Variants in STAG1 observed in about 807,000 individuals in gnomAD.
The protein encoded by STAG1 is STAG1 cohesin complex component.
In STAG1, 26 loss-of-function variants were observed where a neutral mutation model predicts 170.9. That is an observed-to-expected ratio of 0.15 (90% CI 0.11 to 0.21). The LOEUF is 0.21. Among genes scored for constraint, STAG1 ranks in the 10% least tolerant of loss-of-function variants. The probability of loss-of-function intolerance (pLI) is 1.00; values close to 1 mark genes in which losing one functional copy is unlikely to be tolerated. For synonymous variants in STAG1, 514 were observed against 497.7 expected, an observed-to-expected ratio of 1.03 and a Z score of -0.44; for missense variants, 964 against 1,509.5, an observed-to-expected ratio of 0.64 and a Z score of 5.99.
At chr3:136,402,753 G>A (rs1371626033) in intron 21 of STAG1, among the ~76,000 whole-genome samples, 2 of 151,716 alleles carry the variant, frequency 1.3e-5, no homozygotes, top group African/African-American at 2.4e-5. Context: ...CTTTAACCCA[G>A]GAGGAGAAGG....
At chr3:136,621,269 A>T (rs1367439048) in intron 3 of STAG1, among the ~76,000 whole-genome samples, 2 of 152,244 alleles carry the variant, frequency 1.3e-5, no homozygotes, top group Non-Finnish European at 2.9e-5. Context: ...TTCTTTAAGG[A>T]GACAGTACTT....
chr3:136,629,329 C>T (rs907830462), intron 2 of STAG1, among the ~76,000 whole-genome samples: 8 of 152,084 alleles, frequency 5.3e-5, no homozygotes, highest in Admixed American at 1.3e-4. Context: ...ACATTAAGTA[C>T]TTTTCTGGAG....
chr3:136,607,336 T>A (rs1405015950), intron 3 of STAG1, among the ~76,000 whole-genome samples: 1 of 152,224 alleles, frequency 6.6e-6, no homozygotes, highest in East Asian at 1.9e-4. Flanking sequence ...ATTTATTCAA[T>A]CATTTATATC....
chr3:136,396,453 C>G (rs9818536), intron 22 of STAG1, among the ~76,000 whole-genome samples: 3 of 144,946 alleles, frequency 2.1e-5, no homozygotes, highest in Non-Finnish European at 4.5e-5. Context: ...GATCTCCTGA[C>G]CTTGTGATCC....
chr3:136,746,654 A>T (rs1934948500), intron 1 of STAG1, among the ~76,000 whole-genome samples: 1 of 152,156 alleles, frequency 6.6e-6, no homozygotes, highest in Non-Finnish European at 1.5e-5. Context: ...ACTTGCAAAT[A>T]ACTATTCTCT....
intron 1 of STAG1, among the ~76,000 whole-genome samples, chr3:136,701,963 C>CT (rs552750389): frequency 0.086 from 12,494 of 145,248 alleles, 944 homozygotes; most frequent in African/African-American, 0.2. Context: ...TTCTTTTACT[C>CT]TTTTTTTTTT....
chr3:136,585,997 T>C (rs907925701), intron 4 of STAG1, among the ~76,000 whole-genome samples: 2 of 152,218 alleles, frequency 1.3e-5, no homozygotes, highest in Non-Finnish European at 2.9e-5. Flanking sequence ...TACCTGGATA[T>C]AGCTTTATTC....
At chr3:136,719,003 T>A (rs1320354089) in intron 1 of STAG1, among the ~76,000 whole-genome samples, 1 of 152,144 alleles carries the variant, frequency 6.6e-6, no homozygotes, top group African/African-American at 2.4e-5. Flanking sequence ...TTTCTTAAAA[T>A]ATTAAACATA....
Position 136,412,031 on chromosome 3 carries a change from C to G in STAG1, c.2196+5854G>C, listed in dbSNP as rs1042415811. 5.3e-5 allele frequency among the ~76,000 whole-genome samples: 8 copies of G among 152,040 alleles called. No homozygotes were observed. The East Asian group carries it at 1.6e-3, about 30-fold the overall frequency. On this transcript the variant is annotated intron_variant, in intron 21 of 33. Coordinates refer to ENST00000383202, the MANE Select transcript of STAG1 (RefSeq NM_005862.3). The stretch of plus-strand genomic sequence containing the variant: ...AACGAGACTTCGTCTAAAAAACAAA[C>G]AAACAAACAAACAAAATCTAACGTA...
intron 5 of STAG1, among the ~76,000 whole-genome samples, chr3:136,551,254 A>C (rs113845336): frequency 7.3e-5 from 10 of 137,726 alleles, no homozygotes; most frequent in South Asian, 4.7e-4. Flanking sequence ...AGAGAGAGAG[A>C]GAGAGAGGGA....
intron 4 of STAG1, among the ~76,000 whole-genome samples, chr3:136,573,878 G>A (rs1314608440): frequency 2.0e-5 from 3 of 152,144 alleles, no homozygotes; most frequent in Admixed American, 2.0e-4. Context: ...GGCTGAGGCA[G>A]GAGAATGGCG....
intron 13 of STAG1, among the ~76,000 whole-genome samples, chr3:136,463,733 A>ATG (rs1470936669): frequency 1.2e-4 from 5 of 42,394 alleles, no homozygotes; most frequent in Admixed American, 2.8e-4. Flanking sequence ...AAAAATGTGT[A>ATG]TATGTGTGTG....
rs996320086 is a variant in STAG1 at position 136,496,147 on chromosome 3, A to AAAAC, written c.902+4072_902+4075dup. On this transcript the variant is annotated intron_variant, in intron 9 of 33. Coordinates refer to ENST00000383202, the MANE Select transcript of STAG1 (RefSeq NM_005862.3). ...CAACAAGAGGGAGACTCCGTCTCAA[A>AAAAC]AAACAAACAAACAAACAAAAAAACC... Among the ~76,000 whole-genome samples the AAAAC allele has an allele frequency of 2.2e-4, 33 of 152,194 alleles. No individual in the cohort carries two copies. In the East Asian group the frequency reaches 5.0e-3, roughly 23 times the overall value.
chr3:136,389,814 C>A (rs1209419240), intron 22 of STAG1, among the ~76,000 whole-genome samples: 1 of 150,654 alleles, frequency 6.6e-6, no homozygotes, highest in Non-Finnish European at 1.5e-5. Context: ...GCCACCGCAC[C>A]TGGCCTTATG....
At chr3:136,527,567 C>G (rs111401103) in intron 6 of STAG1, among the ~76,000 whole-genome samples, 177 of 152,164 alleles carry the variant, frequency 1.2e-3, no homozygotes, top group African/African-American at 2.5e-3. Flanking sequence ...AAGTTTGATC[C>G]TCTGAAGCCT....
intron 4 of STAG1, among the ~76,000 whole-genome samples, chr3:136,595,719 TAA>T (rs1938395231): frequency 7.0e-6 from 1 of 143,658 alleles, no homozygotes. Flanking sequence ...AATAAATAAA[TAA>T]ATAAATAAGA....
chr3:136,373,568 C>T (rs2108301026), intron 23 of STAG1, among the ~76,000 whole-genome samples: 1 of 152,182 alleles, frequency 6.6e-6, no homozygotes, highest in Admixed American at 6.5e-5. Context: ...TCGTTGGTTT[C>T]AAAGAACATC....
intron 13 of STAG1, among the ~76,000 whole-genome samples, chr3:136,456,242 A>G (rs1044022165): frequency 6.6e-6 from 1 of 152,242 alleles, no homozygotes; most frequent in Non-Finnish European, 1.5e-5. Context: ...TTAAGGAATT[A>G]CATACACACA....
chr3:136,484,300 A>T (rs963663574), intron 9 of STAG1, among the ~76,000 whole-genome samples: 5 of 151,376 alleles, frequency 3.3e-5, no homozygotes, highest in Non-Finnish European at 7.4e-5. Context: ...TCTAACAGAC[A>T]GGACCCTCAG....
Sources: gnomAD v4.1 joint callset for allele counts (sites outside exome capture counted in the v4.1 genomes callset) on GRCh38, gnomAD v4.1.1 for gene constraint, MANE v1.5 for transcripts, NCBI Gene and HGNC (gene_info 2026-07-23, HGNC 2026-07-21) for gene names.